Variants in PLPPR5 observed in about 807,000 individuals in gnomAD.
The protein encoded by PLPPR5 is phospholipid phosphatase related 5.
A neutral mutation model predicts 33.9 loss-of-function variants in PLPPR5; 16 were observed. The ratio of observed to expected loss-of-function variants is 0.47; its 90% confidence interval spans 0.32 to 0.72. PLPPR5 has a LOEUF of 0.72. PLPPR5 is among the 30% of genes least tolerant of loss of function. The pLI is 0.03. For missense variants in PLPPR5, 301 were observed against 406.7 expected (o/e 0.74, Z 2.23); for synonymous variants, 163 against 150.3 (o/e 1.08, Z -0.62).
At chr1:99,001,468 G>A (rs1401690959) in intron 1 of PLPPR5, among the ~76,000 whole-genome samples, 1 of 151,536 alleles carries the variant, frequency 6.6e-6, no homozygotes, top group Non-Finnish European at 1.5e-5. Context: ...AGTGTGCTTT[G>A]GATTTAAATC....
chr1:98,942,883 T>A (rs1650426601), intron 3 of PLPPR5, among the ~76,000 whole-genome samples: 1 of 152,156 alleles, frequency 6.6e-6, no homozygotes, highest in South Asian at 2.1e-4. Context: ...ATACCTTTCC[T>A]CTGCAGGTCA....
At chr1:98,968,750 G>C (rs1472367461) in intron 1 of PLPPR5, among the ~76,000 whole-genome samples, 1 of 151,792 alleles carries the variant, frequency 6.6e-6, no homozygotes, top group Non-Finnish European at 1.5e-5. Context: ...AATGTAAAAA[G>C]ATTCATAATT....
chr1:98,971,078 G>A (rs996983110), intron 1 of PLPPR5, among the ~76,000 whole-genome samples: 7 of 152,030 alleles, frequency 4.6e-5, no homozygotes, highest in South Asian at 2.1e-4. Context: ...GTATTGGTGG[G>A]CAGTGTGATG....
At chr1:98,991,860 A>G (rs1466737323) in intron 1 of PLPPR5, among the ~76,000 whole-genome samples, 1 of 152,042 alleles carries the variant, frequency 6.6e-6, no homozygotes, top group Non-Finnish European at 1.5e-5. Flanking sequence ...CAGAGGCCCA[A>G]AAAAAAGGAC....
chr1:98,912,753 G>A (rs1335667603), intron 5 of PLPPR5, among the ~76,000 whole-genome samples: 3 of 152,184 alleles, frequency 2.0e-5, no homozygotes, highest in Non-Finnish European at 4.4e-5. Context: ...TGAGGATCAT[G>A]TTTAAAAATT....
intron 5 of PLPPR5, among the ~76,000 whole-genome samples, chr1:98,895,185 T>G (rs1648426896): frequency 6.6e-6 from 1 of 152,048 alleles, no homozygotes; most frequent in Non-Finnish European, 1.5e-5. Flanking sequence ...ACTAGAGTGT[T>G]GCCCTCATGA....
intron 3 of PLPPR5, among the ~76,000 whole-genome samples, chr1:98,922,471 C>T (rs920996162): frequency 6.6e-6 from 1 of 151,846 alleles, no homozygotes; most frequent in African/African-American, 2.4e-5. Context: ...TTAATGTTTC[C>T]ATTTGTGTAT....
intron 1 of PLPPR5, among the ~76,000 whole-genome samples, chr1:98,978,890 A>G (rs539447711): frequency 6.6e-6 from 1 of 152,154 alleles, no homozygotes; most frequent in African/African-American, 2.4e-5. Context: ...ATCTCTCTCA[A>G]TGAATTATTA....
At chr1:98,994,673 C>A (rs1652569890) in intron 1 of PLPPR5, among the ~76,000 whole-genome samples, 1 of 152,030 alleles carries the variant, frequency 6.6e-6, no homozygotes, top group South Asian at 2.1e-4. Context: ...TATCAAAATG[C>A]CAAGTCCTAC....
chr1:98,995,681 C>T (rs2100764414), intron 1 of PLPPR5, among the ~76,000 whole-genome samples: 1 of 152,076 alleles, frequency 6.6e-6, no homozygotes, highest in East Asian at 1.9e-4. Context: ...GTGGCTGTGC[C>T]CACACTTTCA....
intron 1 of PLPPR5, among the ~76,000 whole-genome samples, chr1:98,959,154 C>T (rs1431950706): frequency 6.6e-6 from 1 of 152,216 alleles, no homozygotes; most frequent in Non-Finnish European, 1.5e-5. Context: ...AAGGATCTAT[C>T]CTGTACCTAG....
chr1:98,957,565 T>C (rs1182143968), intron 1 of PLPPR5, among the ~76,000 whole-genome samples: 2 of 152,066 alleles, frequency 1.3e-5, no homozygotes, highest in Non-Finnish European at 1.5e-5. Flanking sequence ...CAAATATTTT[T>C]AAGGCATCTG....
At chr1:98,956,074 C>T (rs1186249721) in intron 2 of PLPPR5, among the ~76,000 whole-genome samples, 1 of 152,066 alleles carries the variant, frequency 6.6e-6, no homozygotes, top group Non-Finnish European at 1.5e-5. Context: ...AGAAGTAGTG[C>T]ATGGAGTGCT....
chr1:98,926,703 T>C (rs914950242), intron 3 of PLPPR5, among the ~76,000 whole-genome samples: 3 of 152,174 alleles, frequency 2.0e-5, no homozygotes, highest in Non-Finnish European at 4.4e-5. Context: ...ATCTATCATA[T>C]TATATTAGTT....
intron 1 of PLPPR5, among the ~76,000 whole-genome samples, chr1:98,996,223 T>C (rs553793719): frequency 6.6e-6 from 1 of 151,894 alleles, no homozygotes; most frequent in South Asian, 2.1e-4. Flanking sequence ...GAAAGGAACA[T>C]AAAAATGAAT....
chr1:98,917,420 T>C (rs957361303), intron 4 of PLPPR5, among the ~76,000 whole-genome samples: 1 of 152,168 alleles, frequency 6.6e-6, no homozygotes, highest in Non-Finnish European at 1.5e-5. Flanking sequence ...ATTTCCACCA[T>C]AATGTGAGAA....
At chr1:98,999,388 C>T (rs1652745659) in intron 1 of PLPPR5, among the ~76,000 whole-genome samples, 1 of 152,178 alleles carries the variant, frequency 6.6e-6, no homozygotes, top group South Asian at 2.1e-4. Flanking sequence ...CTCAAATTCT[C>T]ACAGCTGGAA....
At chr1:98,995,820 A>G (rs1344575363) in intron 1 of PLPPR5, among the ~76,000 whole-genome samples, 1 of 152,154 alleles carries the variant, frequency 6.6e-6, no homozygotes, top group African/African-American at 2.4e-5. Context: ...TATGCACAGC[A>G]GAATTTGTTC....
At chr1:98,984,476 A>C (rs1376625389) in intron 1 of PLPPR5, among the ~76,000 whole-genome samples, 1 of 152,114 alleles carries the variant, frequency 6.6e-6, no homozygotes, top group Non-Finnish European at 1.5e-5. Context: ...ATTTAGAATT[A>C]AAGTGGCCAT....
Sources: gnomAD v4.1 joint callset for allele counts (sites outside exome capture counted in the v4.1 genomes callset) on GRCh38, gnomAD v4.1.1 for gene constraint, MANE v1.5 for transcripts, NCBI Gene and HGNC (gene_info 2026-07-23, HGNC 2026-07-21) for gene names.